The following STXBP6 variants were observed in gnomAD, a reference collection of about 807,000 sequenced individuals.
STXBP6 encodes syntaxin binding protein 6.
Under a neutral mutation model 26.9 loss-of-function variants are expected in STXBP6, and 21 were observed. The ratio of observed to expected loss-of-function variants is 0.78; its 90% CI spans 0.55 to 1.12. The LOEUF is 1.12. Ranked by LOEUF, STXBP6 falls within the 50% of genes most tolerant of loss-of-function variation. The pLI, the probability that STXBP6 is intolerant of heterozygous loss-of-function variation, is 0.00. For missense variants in STXBP6, 232 were observed against 257.9 expected (o/e 0.90, Z 0.69); for synonymous variants, 97 against 92.6 (o/e 1.05, Z -0.27).
intron 2 of STXBP6, among the ~76,000 whole-genome samples, chr14:24,972,617 C>T (rs2073935268): frequency 6.6e-6 from 1 of 152,202 alleles, no homozygotes; most frequent in African/African-American, 2.4e-5. Context: ...ATGTTCAGCT[C>T]AGCTCAAATG....
chr14:24,944,754 C>T (rs1248233688), intron 2 of STXBP6, among the ~76,000 whole-genome samples: 3 of 152,218 alleles, frequency 2.0e-5, no homozygotes, highest in African/African-American at 7.2e-5. Flanking sequence ...TTTGGACCAT[C>T]TTCTTCACCT....
chr14:24,952,368 C>T (rs1259826164), intron 2 of STXBP6, among the ~76,000 whole-genome samples: 1 of 151,484 alleles, frequency 6.6e-6, no homozygotes, highest in Admixed American at 6.6e-5. Context: ...AATCTGTCGG[C>T]ATGAATACAG....
In STXBP6 at chr14:24,961,456, A is replaced by AC. The variant is rs1164889495; in HGVS notation, c.154+13208_154+13209insG. 2.6e-5 allele frequency among the ~76,000 whole-genome samples: 4 copies of AC among 151,740 alleles called. No individual in the cohort carries two copies. In the East Asian group the frequency reaches 7.9e-4, roughly 30 times the overall value. On this transcript the variant is annotated intron_variant, in intron 2 of 5. Transcript: ENST00000323944. Reference sequence around the variant, plus strand: ...ACAGATTTCAGAACTAAAAACAAAAAAAAAAAAACATAAAAAGAATATTAT... The same window carrying AC: ...ACAGATTTCAGAACTAAAAACAAAAACAAAAAAAACATAAAAAGAATATTAT...
Position 24,812,590 on chromosome 14 carries a change from C to A in STXBP6, c.*119G>T. 1 of 949,546 alleles carries A rather than the reference C, an allele frequency of 1.1e-6. No homozygotes were observed. The highest frequency in any genetic ancestry group is 2.5e-5 in the East Asian group (1 of 39,492). 58.8% of individuals were successfully genotyped at this position (949,546 alleles called of 1,614,324 possible). ...ACATCTGAAAAGAAAAAACAAAAAC[C>A]ACTCTAAGTGTCCAAATATTGGAAA... On this transcript the variant is annotated 3_prime_UTR_variant, in exon 6 of 6. Coordinates refer to ENST00000323944, the MANE Select transcript of STXBP6 (RefSeq NM_001394410.1).
chr14:24,876,154 GT>G (rs1467023478), intron 2 of STXBP6, among the ~76,000 whole-genome samples: 1 of 152,060 alleles, frequency 6.6e-6, no homozygotes, highest in Non-Finnish European at 1.5e-5. Context: ...AACTACCCTT[GT>G]GCTTCCATAA....
At chr14:24,826,192 A>G (rs966790878) in intron 4 of STXBP6, among the ~76,000 whole-genome samples, 2 of 151,712 alleles carry the variant, frequency 1.3e-5, no homozygotes, top group African/African-American at 4.9e-5. Flanking sequence ...GCTACTGGTT[A>G]AAAAGCAAAT....
At chr14:25,044,079 G>A (rs950878565) in intron 1 of STXBP6, among the ~76,000 whole-genome samples, 2 of 148,402 alleles carry the variant, frequency 1.3e-5, no homozygotes, top group African/African-American at 2.5e-5. Context: ...CCCAAGGTGG[G>A]AGGATTGCTT....
At chr14:24,915,656 C>T (rs1447740237) in intron 2 of STXBP6, among the ~76,000 whole-genome samples, 1 of 152,018 alleles carries the variant, frequency 6.6e-6, no homozygotes. Flanking sequence ...CTTTTTCTAT[C>T]CCTTTTTAAT....
intron 1 of STXBP6, among the ~76,000 whole-genome samples, chr14:25,032,626 G>A (rs1287065610): frequency 6.6e-6 from 1 of 152,228 alleles, no homozygotes; most frequent in Non-Finnish European, 1.5e-5. Flanking sequence ...CCTCTGAGCA[G>A]CAGCTCCCAC....
chr14:25,038,633 A>G (rs1267454001), intron 1 of STXBP6, among the ~76,000 whole-genome samples: 1 of 152,186 alleles, frequency 6.6e-6, no homozygotes, highest in Non-Finnish European at 1.5e-5. Flanking sequence ...GTTACAAAGA[A>G]GGGAACAATA....
chr14:25,022,937 C>T (rs1429088096), intron 1 of STXBP6, among the ~76,000 whole-genome samples: 4 of 152,196 alleles, frequency 2.6e-5, no homozygotes, highest in African/African-American at 9.6e-5. Flanking sequence ...GCTGGCCTTC[C>T]TCAGAGTTCT....
intron 1 of STXBP6, among the ~76,000 whole-genome samples, chr14:25,022,008 A>C (rs1363185043): frequency 6.6e-6 from 1 of 152,230 alleles, no homozygotes; most frequent in Non-Finnish European, 1.5e-5. Flanking sequence ...AACTAGAACA[A>C]GTTACTCAGC....
intron 1 of STXBP6, among the ~76,000 whole-genome samples, chr14:25,004,329 C>A (rs921446427): frequency 6.6e-6 from 1 of 152,168 alleles, no homozygotes; most frequent in African/African-American, 2.4e-5. Context: ...TTCTTCCATG[C>A]GGGCCCAGTT....
In STXBP6 at chr14:25,049,059, C is replaced by T; in HGVS notation, c.-33+819G>A. On this transcript the variant is annotated intron_variant, in intron 1 of 5. Coordinates refer to ENST00000323944, the MANE Select transcript of STXBP6 (RefSeq NM_001394410.1). The surrounding 1 kb of genome is among the most constrained non-coding windows in gnomAD (Gnocchi z 5.6). ...GGCCAGAACCAAGGGCAGATACACC[C>T]CGGGGACTTTCTCCTAAAGAACAAG... is the stretch of plus-strand genomic sequence containing the variant. 19 of 706,002 alleles carry T rather than the reference C, an allele frequency of 2.7e-5. No homozygotes were observed. The highest frequency in any genetic ancestry group is 3.3e-5 in the Non-Finnish European group (19 of 574,578). The allele number at this position is 706,002 out of a possible 1,614,324, so 43.7% of individuals were successfully genotyped here.
intron 2 of STXBP6, among the ~76,000 whole-genome samples, chr14:24,965,671 G>A (rs1390762109): frequency 6.6e-6 from 1 of 152,174 alleles, no homozygotes; most frequent in Non-Finnish European, 1.5e-5. Flanking sequence ...TTTTATAGAT[G>A]AGAAAACTGA....
chr14:24,924,792 A>T (rs1312441833), intron 2 of STXBP6, among the ~76,000 whole-genome samples: 1 of 152,194 alleles, frequency 6.6e-6, no homozygotes, highest in African/African-American at 2.4e-5. Context: ...TCAGTCTCAC[A>T]TGTCAGATTA....
chr14:25,001,630 T>C (rs1356545221), intron 1 of STXBP6, among the ~76,000 whole-genome samples: 3 of 152,240 alleles, frequency 2.0e-5, no homozygotes, highest in Non-Finnish European at 2.9e-5. Context: ...TCTTGCATGT[T>C]GTCTATTTTT....
At chr14:24,872,419 C>T (rs976165671) in intron 2 of STXBP6, among the ~76,000 whole-genome samples, 2 of 152,122 alleles carry the variant, frequency 1.3e-5, no homozygotes, top group East Asian at 1.9e-4. Context: ...TGATAACATA[C>T]AATGCTAGGC....
rs530294482 is a variant in STXBP6, at chr14:24,872,595, C to G, written c.155-15438G>C. ...GCCACTTTAGGGTTTGATGTTGTTA[C>G]AAGGATAGAGTGAATGCCTCTCTCC... On this transcript the variant is annotated intron_variant, in intron 2 of 5. Coordinates refer to ENST00000323944, the MANE Select transcript of STXBP6 (RefSeq NM_001394410.1). Among the ~76,000 whole-genome samples, 6 of 152,318 alleles carry G rather than the reference C, an allele frequency of 3.9e-5. No homozygotes were observed. The South Asian group carries it at 8.3e-4, about 21-fold the overall frequency.
Sources: allele counts gnomAD v4.1 joint callset (sites outside exome capture counted in the v4.1 genomes callset), GRCh38; gene constraint gnomAD v4.1.1; non-coding constraint Gnocchi (gnomAD v3.1); transcripts MANE v1.5; gene names NCBI Gene and HGNC (gene_info 2026-07-23, HGNC 2026-07-21).